NRL: variants seen among roughly 807,000 people sequenced by gnomAD.
The protein encoded by NRL is neural retina leucine zipper.
In NRL, 16 loss-of-function variants were observed where a neutral mutation model predicts 12.5. The observed-to-expected ratio is 1.28, with a 90% CI of 0.87 to 1.95. NRL has a LOEUF of 1.95. NRL is among the 30% of genes most tolerant of loss of function. The pLI, the probability that NRL is intolerant of heterozygous loss-of-function variation, is 0.00. For synonymous variants in NRL, 142 were observed against 150.9 expected (o/e 0.94, Z 0.43); for missense variants, 314 against 325.8 (o/e 0.96, Z 0.28).
chr14:24,084,861 C>T, intron 1 of NRL: 3 of 279,040 alleles, frequency 1.1e-5, no homozygotes, highest in Non-Finnish European at 1.6e-5. Flanking sequence ...CCCAAGTGCT[C>T]AGTTTCCCAG....
chr14:24,114,737 C>A lies in NRL; in HGVS notation c.-43G>T, dbSNP rs187479944. ...TCCCGCCTACCTATCAATCATCGTGCTCCGCTGTCCAGTTGGCTGGCCAAG... is the reference window on the plus strand; with the variant it reads ...TCCCGCCTACCTATCAATCATCGTGATCCGCTGTCCAGTTGGCTGGCCAAG... On this transcript the variant is annotated 5_prime_UTR_variant, in exon 1 of 3. Transcript: ENST00000561028. 2,322 of 985,970 alleles carry A rather than the reference C, an allele frequency of 2.4e-3. 5 individuals carry two copies. Among genetic ancestry groups the A allele is most frequent in the Non-Finnish European group, 2.7e-3 (2,220 of 829,978 alleles). The allele number at this position is 985,970 out of a possible 1,614,324, so 61.1% of individuals were successfully genotyped here. A position where few individuals can be genotyped will look rare whatever the true frequency, so the allele number is the denominator to read the frequency against.
At chr14:24,109,859 G>A (rs1336175600) in intron 1 of NRL, among the ~76,000 whole-genome samples, 1 of 151,992 alleles carries the variant, frequency 6.6e-6, no homozygotes. Flanking sequence ...ACTCAATAAT[G>A]TACAAGTTCC....
rs527871587 is a variant in NRL, at chr14:24,098,873, G to A, written c.-28+15849C>T. ...CTTTGCACTAGGTTGAGAAAAATCC[G>A]TGTCCAAGAATAGGGGCATGGAAGC... is the stretch of plus-strand genomic sequence containing the variant. On this transcript the variant is annotated intron_variant, in intron 1 of 2. Transcript: ENST00000561028. Among the ~76,000 whole-genome samples the A allele has an allele frequency of 6.6e-5, 10 of 152,328 alleles. No homozygotes were observed. In the South Asian group the frequency reaches 8.3e-4, roughly 13 times the overall value.
chr14:24,090,942 G>A (rs1240219890), intron 1 of NRL, among the ~76,000 whole-genome samples: 2 of 152,206 alleles, frequency 1.3e-5, no homozygotes, highest in African/African-American at 4.8e-5. Context: ...GCCTGTTATA[G>A]GCCAGGTACT....
intron 1 of NRL, among the ~76,000 whole-genome samples, chr14:24,091,705 G>C (rs538622448): frequency 2.7e-4 from 41 of 152,012 alleles, no homozygotes; most frequent in Non-Finnish European, 3.1e-4. Context: ...TTGAGCAAAT[G>C]ACTCTTTTTT....
In NRL at chr14:24,081,273, C is replaced by T. The variant is rs1281055540; in HGVS notation, c.677G>A (p.Gly226Asp). The T allele has an allele frequency of 6.6e-7, 1 of 1,505,646 alleles. No homozygotes were observed. Among genetic ancestry groups the T allele is most frequent in the South Asian group, 1.3e-5 (1 of 78,426 alleles). 93.3% of individuals were successfully genotyped at this position (1,505,646 alleles called of 1,614,324 possible). A position where few individuals can be genotyped will look rare whatever the true frequency, so the allele number is the denominator to read the frequency against. Residue 226 changes from glycine (G) to aspartate (D), a missense_variant, in exon 3 of 3, where the codon GGC becomes GAC. Transcript: ENST00000561028. This position sits in a 1 kb window ranked among gnomAD's most constrained non-coding sequence, Gnocchi z 4.4. ...KARCDRLTSS[G>D]PGSGDPSHLF... ...GTGGGAGGGGTCCCCGGACCCGGGGCCGCTCGAGGTTAGCCGGTCACAGCG... is the reference window on the plus strand; with the variant it reads ...GTGGGAGGGGTCCCCGGACCCGGGGTCGCTCGAGGTTAGCCGGTCACAGCG...
rs780957101 is a variant in NRL at position 24,081,263 on chromosome 14, G to T, written c.687C>A (p.Ser229=). 3 of 1,505,410 alleles carry T rather than the reference G, an allele frequency of 2.0e-6. No homozygotes were observed. Among genetic ancestry groups the T allele is most frequent in the Non-Finnish European group, 2.7e-6 (3 of 1,125,734 alleles). 93.3% of individuals were successfully genotyped at this position (1,505,410 alleles called of 1,614,324 possible). Residue 229 remains serine, a synonymous_variant, in exon 3 of 3, where the codon TCC becomes TCA. Transcript: ENST00000561028. The surrounding 1 kb of genome is among the most constrained non-coding windows in gnomAD (Gnocchi z 4.4). The part of the protein sequence containing the change: ...CDRLTSSGPG[S]GDPSHLFL ...AGAGGAAGAGGTGGGAGGGGTCCCC[G>T]GACCCGGGGCCGCTCGAGGTTAGCC...
At chr14:24,082,025 GTAAT>G in intron 2 of NRL, 1 of 1,201,934 alleles carries the variant, frequency 8.3e-7, no homozygotes. Flanking sequence ...ATCTGTGTCT[GTAAT>G]TAATAGGATG....
chr14:24,102,651 C>CA (rs367813502), intron 1 of NRL: 17,444 of 873,824 alleles, frequency 0.02, 1 homozygote, highest in Non-Finnish European at 0.024. Flanking sequence ...GCTGATGAGG[C>CA]AAAAAAAAAA....
Position 24,081,198 on chromosome 14 carries a change from A to C in NRL, c.*38T>G, listed in dbSNP as rs1369639095. On this transcript the variant is annotated 3_prime_UTR_variant, in exon 3 of 3. Coordinates refer to ENST00000561028, the MANE Select transcript of NRL (RefSeq NM_001354768.3). This position sits in a 1 kb window ranked among gnomAD's most constrained non-coding sequence, Gnocchi z 4.4. ...GCCGCCTCCTGGGCGGAGCCACCCC[A>C]CCCAGCCCCCACTACACCACAAGGT... 5 of 1,356,800 alleles carry C rather than the reference A, an allele frequency of 3.7e-6. No individual in the cohort carries two copies. In the African/African-American group the frequency reaches 6.0e-5, roughly 16 times the overall value. 84.0% of individuals were successfully genotyped at this position (1,356,800 alleles called of 1,614,324 possible). A position where few individuals can be genotyped will look rare whatever the true frequency, so the allele number is the denominator to read the frequency against.
chr14:24,099,191 C>T, intron 1 of NRL: 2 of 1,605,444 alleles, frequency 1.2e-6, no homozygotes, highest in African/African-American at 1.3e-5. Flanking sequence ...TACGCATCGC[C>T]TCTCGGCTGG....
In NRL at chr14:24,111,129, C is replaced by T. The variant is rs566503485; in HGVS notation, c.-28+3593G>A. 5.3e-5 allele frequency among the ~76,000 whole-genome samples: 8 copies of T among 152,074 alleles called. No homozygotes were observed. In the East Asian group the frequency reaches 9.6e-4, roughly 18 times the overall value. On this transcript the variant is annotated intron_variant, in intron 1 of 2. Coordinates refer to ENST00000561028, the MANE Select transcript of NRL (RefSeq NM_001354768.3). ...CAAGTAAGTTGGGACCATAGGCACGCGCCACGATGGCCGGCTATTTTTTTT... is the reference window on the plus strand; with the variant it reads ...CAAGTAAGTTGGGACCATAGGCACGTGCCACGATGGCCGGCTATTTTTTTT...
At chr14:24,090,309 T>G (rs1594265974) in intron 1 of NRL, among the ~76,000 whole-genome samples, 33 of 120,056 alleles carry the variant, frequency 2.7e-4, no homozygotes, top group Admixed American at 5.9e-4. Flanking sequence ...AAAGAAAGAG[T>G]AGCAGGACCC....
chr14:24,082,656 T>G lies in NRL; in HGVS notation c.193A>C (p.Thr65Pro), dbSNP rs1465557885. Residue 65 changes from threonine (T) to proline (P), a missense_variant, in exon 2 of 3, where the codon ACC becomes CCC. Physicochemically the swap from Thr to Pro is conservative, Grantham distance 38 (BLOSUM62 -1). Coordinates refer to ENST00000561028, the MANE Select transcript of NRL (RefSeq NM_001354768.3). Reference sequence around the variant, plus strand: ...TACAGCTCCTCCAGGCCTGGCCGGGTGCCCTCGGTTGCCCCCACCATGCCT... The same window carrying G: ...TACAGCTCCTCCAGGCCTGGCCGGGGGCCCTCGGTTGCCCCCACCATGCCT... Reference protein sequence around the residue: ...EPGMVGATEGTRPGLEELYWL... With the variant: ...EPGMVGATEGPRPGLEELYWL... 1 of 1,613,904 alleles carries G rather than the reference T, an allele frequency of 6.2e-7. No individual in the cohort carries two copies. Among genetic ancestry groups the G allele is most frequent in the Admixed American group, 1.7e-5 (1 of 60,018 alleles).
chr14:24,086,643 G>T (rs2036474477), intron 1 of NRL, among the ~76,000 whole-genome samples: 1 of 152,230 alleles, frequency 6.6e-6, no homozygotes, highest in African/African-American at 2.4e-5. Context: ...GGAATGGGAA[G>T]TGTTGAGTGC....
rs972469809 is a variant in NRL, at chr14:24,082,511, T to C, written c.338A>G (p.Tyr113Cys). The change falls in exon 2 of 3, where the codon TAC becomes TGC. Residue 113 changes from tyrosine to cysteine, a missense_variant. Tyr to Cys is a radical substitution (Grantham distance 194). Transcript: ENST00000561028. ...GPVPVDGPHG[Y>C]YPGSPEETGA... ...TGTCTCCTCTGGGCTCCCTGGGTAG[T>C]AGCCATGGGGCCCATCAACAGGGAC... 3 of 1,613,218 alleles carry C rather than the reference T, an allele frequency of 1.9e-6. No homozygotes were observed. The Admixed American group carries it at 5.0e-5, about 27-fold the overall frequency.
At chr14:24,112,334 G>A (rs1476271598) in intron 1 of NRL, among the ~76,000 whole-genome samples, 1 of 150,292 alleles carries the variant, frequency 6.7e-6, no homozygotes, top group East Asian at 2.0e-4. Flanking sequence ...TTTGGTATCA[G>A]AATGATGCTG....
Position 24,091,253 on chromosome 14 carries a change from C to G in NRL, c.-27-8378G>C, listed in dbSNP as rs143006051. Among the ~76,000 whole-genome samples the G allele has an allele frequency of 6.8e-3, 1,032 of 151,958 alleles. 6 individuals carry two copies. The highest frequency in any genetic ancestry group is 0.019 in the African/African-American group (780 of 41,434). On this transcript the variant is annotated intron_variant, in intron 1 of 2. Coordinates refer to ENST00000561028, the MANE Select transcript of NRL (RefSeq NM_001354768.3). ...GCAACCTCCGCCTCCCGGGTTCAAG[C>G]GATTCTCCTGCCTCAGCCTCCTGAG... is the stretch of plus-strand genomic sequence containing the variant.
chr14:24,081,848 C>T lies in NRL; in HGVS notation c.382-280G>A, dbSNP rs1270382113. 1.4e-6 allele frequency: 2 copies of T among 1,394,178 alleles called. No individual in the cohort carries two copies. The highest frequency in any genetic ancestry group is 1.5e-5 in the African/African-American group (1 of 67,264). 86.4% of individuals were successfully genotyped at this position (1,394,178 alleles called of 1,614,324 possible). A position where few individuals can be genotyped will look rare whatever the true frequency, so the allele number is the denominator to read the frequency against. ...GCCCGTCGCGCACCTAAACCCCGGGCTCGTCTCTGGGATCCCCGGCATCCA... is the reference window on the plus strand; with the variant it reads ...GCCCGTCGCGCACCTAAACCCCGGGTTCGTCTCTGGGATCCCCGGCATCCA... On this transcript the variant is annotated intron_variant, in intron 2 of 2. Transcript: ENST00000561028. This position sits in a 1 kb window ranked among gnomAD's most constrained non-coding sequence, Gnocchi z 4.4.
Sources: gnomAD v4.1 joint callset for allele counts (sites outside exome capture counted in the v4.1 genomes callset) on GRCh38, gnomAD v4.1.1 for gene constraint, Gnocchi (gnomAD v3.1) non-coding constraint, MANE v1.5 for transcripts, NCBI Gene and HGNC (gene_info 2026-07-23, HGNC 2026-07-21) for gene names.